The following LHFPL6 variants were observed in gnomAD, a reference collection of about 807,000 sequenced individuals.
LHFPL6 encodes LHFPL tetraspan subfamily member 6.
In LHFPL6, 9 loss-of-function variants were observed where a neutral mutation model predicts 20.6. The ratio of observed to expected loss-of-function variants is 0.44; its 90% CI spans 0.26 to 0.76. The LOEUF (loss-of-function observed/expected upper bound fraction) is 0.76, where lower values mean the gene tolerates loss of function less well. Among genes scored for constraint, LHFPL6 ranks in the 30% least tolerant of loss-of-function variants. The probability of loss-of-function intolerance (pLI) is 0.20; values close to 1 mark genes in which losing one functional copy is unlikely to be tolerated. For synonymous variants in LHFPL6, 105 were observed against 98.7 expected (o/e 1.06, Z -0.38); for missense variants, 218 against 253.5 (o/e 0.86, Z 0.95).
intron 3 of LHFPL6, among the ~76,000 whole-genome samples, chr13:39,350,871 T>C (rs1869553209): frequency 6.6e-6 from 1 of 152,132 alleles, no homozygotes; most frequent in African/African-American, 2.4e-5. Flanking sequence ...TGGGGAGGGA[T>C]GTTGCTGATT....
chr13:39,426,799 G>C (rs1033238890), intron 2 of LHFPL6, among the ~76,000 whole-genome samples: 11 of 152,062 alleles, frequency 7.2e-5, no homozygotes, highest in African/African-American at 2.7e-4. Flanking sequence ...TTTATTGATT[G>C]AGCATTTGGT....
chr13:39,488,823 A>T (rs917934714), intron 2 of LHFPL6, among the ~76,000 whole-genome samples: 1 of 152,116 alleles, frequency 6.6e-6, no homozygotes, highest in Non-Finnish European at 1.5e-5. Flanking sequence ...CATAGATAGC[A>T]TAAGACGTCA....
At chr13:39,576,766 T>C (rs1047087939) in intron 2 of LHFPL6, among the ~76,000 whole-genome samples, 4 of 152,080 alleles carry the variant, frequency 2.6e-5, no homozygotes, top group Non-Finnish European at 5.9e-5. Context: ...CCTGAGTAGC[T>C]AGGACTACAG....
At chr13:39,588,372 A>C (rs1206054782) in intron 2 of LHFPL6, among the ~76,000 whole-genome samples, 1 of 152,206 alleles carries the variant, frequency 6.6e-6, no homozygotes, top group East Asian at 1.9e-4. Flanking sequence ...TTTACAACAT[A>C]CTTGAACTTG....
chr13:39,399,882 T>C (rs897078041), intron 2 of LHFPL6, among the ~76,000 whole-genome samples: 2 of 151,820 alleles, frequency 1.3e-5, no homozygotes, highest in African/African-American at 2.4e-5. Context: ...TCACCTGAGG[T>C]TGGGAGTTCG....
intron 2 of LHFPL6, among the ~76,000 whole-genome samples, chr13:39,463,366 G>A (rs1442193292): frequency 1.3e-5 from 2 of 152,070 alleles, no homozygotes; most frequent in Non-Finnish European, 1.5e-5. Flanking sequence ...AAAATCTATA[G>A]TGAATCTTAT....
At chr13:39,364,877 T>G (rs986828895) in intron 3 of LHFPL6, among the ~76,000 whole-genome samples, 8 of 152,174 alleles carry the variant, frequency 5.3e-5, no homozygotes, top group Admixed American at 2.6e-4. Context: ...TATCAATCCT[T>G]GCTTCTTAGC....
chr13:39,363,352 A>T (rs1869927722), intron 3 of LHFPL6, among the ~76,000 whole-genome samples: 1 of 152,170 alleles, frequency 6.6e-6, no homozygotes, highest in Non-Finnish European at 1.5e-5. Context: ...CCAGAGCATC[A>T]TAGCATCACA....
At chr13:39,438,313 C>G (rs1379062576) in intron 2 of LHFPL6, among the ~76,000 whole-genome samples, 1 of 152,140 alleles carries the variant, frequency 6.6e-6, no homozygotes, top group African/African-American at 2.4e-5. Context: ...TTCTAAGTAG[C>G]AAAGCATTCA....
In LHFPL6 at chr13:39,484,919, TC is replaced by T. The variant is rs1256321384; in HGVS notation, c.386-106394del. Among the ~76,000 whole-genome samples the T allele has an allele frequency of 7.9e-5, 12 of 152,198 alleles. No homozygotes were observed. In the South Asian group the frequency reaches 2.1e-3, roughly 26 times the overall value. ...ATCTTCAGAAGGACTGATGGACTTT[TC>T]CCCCCTTCCTTGAATAGCCAGAAGA... On this transcript the variant is annotated intron_variant, in intron 2 of 3. Coordinates refer to ENST00000379589, the MANE Select transcript of LHFPL6 (RefSeq NM_005780.3).
intron 2 of LHFPL6, among the ~76,000 whole-genome samples, chr13:39,541,418 G>A (rs541673119): frequency 2.2e-4 from 33 of 152,256 alleles, no homozygotes; most frequent in African/African-American, 7.5e-4. Flanking sequence ...CTAGCTGTGC[G>A]ACATTATGTC....
intron 2 of LHFPL6, among the ~76,000 whole-genome samples, chr13:39,440,021 G>C (rs1440971698): frequency 1.3e-5 from 2 of 152,288 alleles, no homozygotes; most frequent in East Asian, 3.9e-4. Context: ...TTAAGTAACT[G>C]TTTTTAAGTT....
At chr13:39,439,983 G>A (rs1012983070) in intron 2 of LHFPL6, among the ~76,000 whole-genome samples, 2 of 152,130 alleles carry the variant, frequency 1.3e-5, no homozygotes, top group African/African-American at 4.8e-5. Flanking sequence ...AACTAACAGT[G>A]GCTACTGTTT....
intron 2 of LHFPL6, among the ~76,000 whole-genome samples, chr13:39,529,054 A>T (rs947494141): frequency 5.9e-5 from 9 of 152,212 alleles, no homozygotes; most frequent in African/African-American, 2.2e-4. Flanking sequence ...ACTGCCAAAA[A>T]ATAATGTACA....
intron 2 of LHFPL6, among the ~76,000 whole-genome samples, chr13:39,469,238 G>A (rs1047833312): frequency 1.3e-5 from 2 of 152,252 alleles, no homozygotes; most frequent in Admixed American, 6.5e-5. Flanking sequence ...CACAGGCACT[G>A]TGTGCTGCCA....
intron 2 of LHFPL6, among the ~76,000 whole-genome samples, chr13:39,598,650 G>A (rs1241974569): frequency 6.6e-6 from 1 of 152,082 alleles, no homozygotes; most frequent in African/African-American, 2.4e-5. Flanking sequence ...CCACCTCCTG[G>A]GTTCACGCCA....
intron 2 of LHFPL6, among the ~76,000 whole-genome samples, chr13:39,536,742 T>C (rs1870631975): frequency 6.6e-6 from 1 of 152,204 alleles, no homozygotes; most frequent in Non-Finnish European, 1.5e-5. Context: ...ACCAGCAGAA[T>C]GCAATTAAAA....
intron 2 of LHFPL6, among the ~76,000 whole-genome samples, chr13:39,517,874 G>C (rs184553969): frequency 2.6e-5 from 4 of 152,244 alleles, no homozygotes; most frequent in Admixed American, 2.0e-4. Flanking sequence ...CAGTAGTCCA[G>C]ATTTAGAAGA....
intron 2 of LHFPL6, among the ~76,000 whole-genome samples, chr13:39,384,164 ACAT>A (rs1870507305): frequency 6.6e-6 from 1 of 152,218 alleles, no homozygotes; most frequent in Non-Finnish European, 1.5e-5. Flanking sequence ...TATTTCTTGA[ACAT>A]CATCCATTTC....
Sources: gnomAD v4.1 joint callset for allele counts (sites outside exome capture counted in the v4.1 genomes callset) on GRCh38, gnomAD v4.1.1 for gene constraint, MANE v1.5 for transcripts, NCBI Gene and HGNC (gene_info 2026-07-23, HGNC 2026-07-21) for gene names.